Variants in KCND3 observed in about 807,000 individuals in gnomAD.
The protein encoded by KCND3 is potassium voltage-gated channel subfamily D member 3.
A neutral mutation model predicts 51.1 loss-of-function variants in KCND3; 9 were observed. The ratio of observed to expected loss-of-function variants is 0.18; its 90% CI spans 0.11 to 0.31. The LOEUF (loss-of-function observed/expected upper bound fraction) is 0.31, where lower values mean the gene tolerates loss of function less well. KCND3 is among the 10% of genes least tolerant of loss of function. The pLI, the probability that KCND3 is intolerant of heterozygous loss-of-function variation, is 1.00. For synonymous variants in KCND3, 349 were observed against 368.0 expected, an observed-to-expected ratio of 0.95 and a Z score of 0.59; for missense variants, 526 against 903.8, an observed-to-expected ratio of 0.58 and a Z score of 5.36.
chr1:111,841,463 A>G (rs1452368766), intron 2 of KCND3, among the ~76,000 whole-genome samples: 4 of 152,224 alleles, frequency 2.6e-5, no homozygotes, highest in Non-Finnish European at 5.9e-5. Context: ...TTCACCCACT[A>G]GTTCCTGAGG....
Position 111,910,095 on chromosome 1 carries a change from CT to C in KCND3, c.1106+71525del, listed in dbSNP as rs1419456263. ...TTGCCATAAGAAACTCCCAAACTCT[CT>C]CTCTCTCTTTCTCTTTCTCGCGCTA... is the stretch of plus-strand genomic sequence containing the variant. On this transcript the variant is annotated intron_variant, in intron 2 of 7. Transcript: ENST00000302127. 3 of 152,202 alleles carry C rather than the reference CT, an allele frequency of 2.0e-5. No individual in the cohort carries two copies. In the East Asian group the frequency reaches 5.8e-4, roughly 29 times the overall value. The allele number at this position is 152,202 out of a possible 1,614,324, so 9.4% of individuals were successfully genotyped here. A position where few individuals can be genotyped will look rare whatever the true frequency, so the allele number is the denominator to read the frequency against.
chr1:111,812,250 G>GT (rs751324851), intron 2 of KCND3, among the ~76,000 whole-genome samples: 7 of 152,226 alleles, frequency 4.6e-5, no homozygotes, highest in Non-Finnish European at 8.8e-5. Flanking sequence ...GGAGGAGCTG[G>GT]TTTTCACACC....
chr1:111,844,814 T>C (rs1667476918), intron 2 of KCND3, among the ~76,000 whole-genome samples: 1 of 152,180 alleles, frequency 6.6e-6, no homozygotes, highest in African/African-American at 2.4e-5. Context: ...TCAGAGCTAA[T>C]CCTGCTGGTA....
At chr1:111,823,091 T>C (rs183789726) in intron 2 of KCND3, among the ~76,000 whole-genome samples, 1 of 152,246 alleles carries the variant, frequency 6.6e-6, no homozygotes, top group Non-Finnish European at 1.5e-5. Flanking sequence ...AGGATCCTAC[T>C]CTTCCTTGGC....
At chr1:111,968,621 C>G (rs1674150056) in intron 2 of KCND3, among the ~76,000 whole-genome samples, 1 of 152,166 alleles carries the variant, frequency 6.6e-6, no homozygotes, top group African/African-American at 2.4e-5. Flanking sequence ...CCCCCGGCCC[C>G]ATCTCTGTTA....
chr1:111,844,346 C>T (rs1166456974), intron 2 of KCND3, among the ~76,000 whole-genome samples: 1 of 152,142 alleles, frequency 6.6e-6, no homozygotes, highest in East Asian at 1.9e-4. Context: ...TTTATTATTC[C>T]TATTTCCATT....
intron 2 of KCND3, among the ~76,000 whole-genome samples, chr1:111,812,476 C>G (rs1244523760): frequency 6.6e-6 from 1 of 152,200 alleles, no homozygotes; most frequent in African/African-American, 2.4e-5. Flanking sequence ...GGGCAGAGTT[C>G]CTTGCACAAA....
chr1:111,780,826 G>A lies in KCND3; in HGVS notation c.1270-35C>T. 1 of 1,551,178 alleles carries A rather than the reference G, an allele frequency of 6.4e-7. No individual in the cohort carries two copies. ...GCAGAGATAATAAAAGAATGAGGCA[G>A]ACCATGATACAAAAAGACAGCAAGG... On this transcript the variant is annotated intron_variant, in intron 3 of 7. Coordinates refer to ENST00000302127, the MANE Select transcript of KCND3 (RefSeq NM_001378969.1). The surrounding 1 kb of genome is among the most constrained non-coding windows in gnomAD (Gnocchi z 4.2).
intron 2 of KCND3, among the ~76,000 whole-genome samples, chr1:111,857,428 C>T (rs762389001): frequency 1.1e-4 from 17 of 152,214 alleles, no homozygotes; most frequent in Non-Finnish European, 2.2e-4. Context: ...TGAGTGTTGT[C>T]CTCCTCCTCT....
rs778305654 is a variant in KCND3 at position 111,786,920 on chromosome 1, C to T, written c.1269+24G>A. On this transcript the variant is annotated intron_variant, in intron 3 of 7. Coordinates refer to ENST00000302127, the MANE Select transcript of KCND3 (RefSeq NM_001378969.1). Reference sequence around the variant, plus strand: ...TCCCCCGCATCCTTTACACTGCCCCCGCTTCCCTGCGTCTGAGGCTTACCT... The same window carrying T: ...TCCCCCGCATCCTTTACACTGCCCCTGCTTCCCTGCGTCTGAGGCTTACCT... 18 of 1,613,632 alleles carry T rather than the reference C, an allele frequency of 1.1e-5. No homozygotes were observed. In the Admixed American group the frequency reaches 1.8e-4, roughly 16 times the overall value.
intron 2 of KCND3, among the ~76,000 whole-genome samples, chr1:111,914,895 C>CTT (rs1390213369): frequency 1.6e-4 from 24 of 152,136 alleles, no homozygotes; most frequent in African/African-American, 4.8e-4. Flanking sequence ...TTTGAAGTCT[C>CTT]TTTAAAAGTG....
intron 2 of KCND3, among the ~76,000 whole-genome samples, chr1:111,810,471 G>A (rs913779353): frequency 2.6e-5 from 4 of 152,206 alleles, no homozygotes; most frequent in African/African-American, 9.6e-5. Flanking sequence ...CCGATGCTGG[G>A]CACAGACTGG....
intron 2 of KCND3, among the ~76,000 whole-genome samples, chr1:111,929,168 C>G (rs548538976): frequency 1.3e-5 from 2 of 152,234 alleles, no homozygotes; most frequent in African/African-American, 2.4e-5. Flanking sequence ...AACCAGCCCA[C>G]GCCCAGACCT....
intron 2 of KCND3, among the ~76,000 whole-genome samples, chr1:111,872,854 G>A (rs1213741285): frequency 3.3e-5 from 5 of 152,162 alleles, no homozygotes; most frequent in African/African-American, 9.7e-5. Flanking sequence ...AGATGTCTCC[G>A]TGGCTTTAGG....
intron 3 of KCND3, among the ~76,000 whole-genome samples, chr1:111,783,849 A>G: frequency 6.6e-6 from 1 of 152,222 alleles, no homozygotes; most frequent in Non-Finnish European, 1.5e-5. Context: ...TTATACAGCA[A>G]CTTGGATGAA....
intron 2 of KCND3, among the ~76,000 whole-genome samples, chr1:111,871,784 G>A (rs915136671): frequency 6.6e-6 from 1 of 152,174 alleles, no homozygotes; most frequent in African/African-American, 2.4e-5. Context: ...AATTTATAAG[G>A]TGGAGGAAAG....
chr1:111,791,110 A>G (rs1385757778), intron 2 of KCND3, among the ~76,000 whole-genome samples: 1 of 152,240 alleles, frequency 6.6e-6, no homozygotes, highest in Non-Finnish European at 1.5e-5. Context: ...AGTTTGAGGA[A>G]CTGCCAAAAT....
At chr1:111,848,371 C>T (rs1667659127) in intron 2 of KCND3, among the ~76,000 whole-genome samples, 2 of 152,174 alleles carry the variant, frequency 1.3e-5, no homozygotes, top group South Asian at 2.1e-4. Context: ...TTTCTGCATT[C>T]GAGAAAGTCC....
chr1:111,875,067 G>C (rs1264792465), intron 2 of KCND3, among the ~76,000 whole-genome samples: 1 of 152,210 alleles, frequency 6.6e-6, no homozygotes, highest in African/African-American at 2.4e-5. Flanking sequence ...TGGTTCCAGA[G>C]GGGCCATGGT....
Sources: allele counts gnomAD v4.1 joint callset (sites outside exome capture counted in the v4.1 genomes callset), GRCh38; gene constraint gnomAD v4.1.1; non-coding constraint Gnocchi (gnomAD v3.1); transcripts MANE v1.5; gene names NCBI Gene and HGNC (gene_info 2026-07-23, HGNC 2026-07-21).